The following RIMS2 variants were observed in gnomAD, a reference collection of about 807,000 sequenced individuals.
The protein encoded by RIMS2 is regulating synaptic membrane exocytosis protein 2.
RIMS2 carries 59 observed loss-of-function variants against 174.4 expected under a neutral mutation model. The ratio of observed to expected loss-of-function variants is 0.34; its 90% confidence interval spans 0.27 to 0.42. The LOEUF is 0.42. Ranked by LOEUF, RIMS2 falls within the 10% of genes least tolerant of loss-of-function variation. The probability of loss-of-function intolerance (pLI) is 1.00; values close to 1 mark genes in which losing one functional copy is unlikely to be tolerated. For missense variants in RIMS2, 1,620 were observed against 1,666.3 expected (o/e 0.97, Z 0.48); for synonymous variants, 606 against 572.5 (o/e 1.06, Z -0.84).
At chr8:104,143,400 T>C (rs911309414) in intron 19 of RIMS2, among the ~76,000 whole-genome samples, 2 of 152,184 alleles carry the variant, frequency 1.3e-5, no homozygotes, top group African/African-American at 2.4e-5. Context: ...TTGCTGTTTT[T>C]TTTCCTGCAA....
chr8:103,985,405 C>T (rs528432386), intron 16 of RIMS2, among the ~76,000 whole-genome samples: 38 of 122,394 alleles, frequency 3.1e-4, no homozygotes, highest in African/African-American at 8.0e-4. Flanking sequence ...ATCTGGGAGG[C>T]GGAGGTTGCA....
chr8:104,093,791 T>A, intron 19 of RIMS2, 148 bp downstream of exon 24: 2 of 531,334 alleles, frequency 3.8e-6, no homozygotes, highest in Non-Finnish European at 6.4e-6. Context: ...TACTTTTTAA[T>A]ATATTTTAAT....
intron 4 of RIMS2, among the ~76,000 whole-genome samples, chr8:103,891,359 G>A (rs895612543): frequency 6.6e-5 from 10 of 152,000 alleles, no homozygotes; most frequent in Non-Finnish European, 7.4e-5. Context: ...CGTGTTTCAC[G>A]TTTAGACCAA....
At chr8:103,607,102 G>T (rs922494137) in intron 1 of RIMS2, among the ~76,000 whole-genome samples, 1 of 151,964 alleles carries the variant, frequency 6.6e-6, no homozygotes, top group Non-Finnish European at 1.5e-5. Context: ...AGTCTCGATG[G>T]TCTTTACATT....
intron 3 of RIMS2, among the ~76,000 whole-genome samples, chr8:103,871,861 TTCTC>T (rs1457254632): frequency 6.6e-6 from 1 of 152,202 alleles, no homozygotes; most frequent in Non-Finnish European, 1.5e-5. Flanking sequence ...AATTCTTTCT[TTCTC>T]TCCTACTGTC....
At chr8:104,204,617 C>G (rs905812269) in intron 19 of RIMS2, among the ~76,000 whole-genome samples, 2 of 152,010 alleles carry the variant, frequency 1.3e-5, no homozygotes, top group Non-Finnish European at 1.5e-5. Context: ...ACCTCAACCT[C>G]TAGAGCACCT....
chr8:103,605,900 T>C (rs1313182383), intron 1 of RIMS2, among the ~76,000 whole-genome samples: 2 of 150,402 alleles, frequency 1.3e-5, no homozygotes, highest in Non-Finnish European at 3.0e-5. Context: ...TTTTTTTCTT[T>C]ATTAGTCTTG....
chr8:104,223,814 T>C, intron 19 of RIMS2: 1 of 1,584,908 alleles, frequency 6.3e-7, no homozygotes, highest in Non-Finnish European at 8.5e-7. Flanking sequence ...CCTTCCCCCG[T>C]AGTTGGTGTC....
At chr8:103,962,786 G>A (rs983804320) in intron 15 of RIMS2, among the ~76,000 whole-genome samples, 1 of 152,040 alleles carries the variant, frequency 6.6e-6, no homozygotes, top group African/African-American at 2.4e-5. Context: ...TACCTAGTGT[G>A]TGTACTAACT....
intron 2 of RIMS2, among the ~76,000 whole-genome samples, chr8:103,715,062 GA>G (rs1319815948): frequency 1.3e-5 from 2 of 152,192 alleles, no homozygotes; most frequent in East Asian, 3.9e-4. Flanking sequence ...ACAGAGAAAA[GA>G]GATATAAAAT....
chr8:103,732,738 C>T (rs2097621027), intron 2 of RIMS2, among the ~76,000 whole-genome samples: 1 of 152,168 alleles, frequency 6.6e-6, no homozygotes, highest in African/African-American at 2.4e-5. Flanking sequence ...GACCTATGGC[C>T]TCTACTACTT....
At chr8:103,828,661 T>C (rs10955330) in intron 3 of RIMS2, among the ~76,000 whole-genome samples, 60,955 of 151,780 alleles carry the variant, frequency 0.4, 12,680 homozygotes, top group African/African-American at 0.44. Context: ...GGTCCTAGTC[T>C]AGAATGGTAT....
intron 1 of RIMS2, among the ~76,000 whole-genome samples, chr8:103,691,498 A>G (rs1157967262): frequency 6.6e-6 from 1 of 152,030 alleles, no homozygotes; most frequent in East Asian, 1.9e-4. Flanking sequence ...TGTCAGTTAC[A>G]TTTTTCAACT....
intron 1 of RIMS2, among the ~76,000 whole-genome samples, chr8:103,694,034 C>T (rs942867779): frequency 2.6e-5 from 4 of 152,030 alleles, no homozygotes; most frequent in South Asian, 2.1e-4. Context: ...TTCTTGTGTC[C>T]GCAAGAGTGG....
At chr8:103,988,207 AAAT>A (rs1416835022) in intron 16 of RIMS2, among the ~76,000 whole-genome samples, 1 of 152,218 alleles carries the variant, frequency 6.6e-6, no homozygotes, top group Non-Finnish European at 1.5e-5. Flanking sequence ...ATCGACAGTA[AAAT>A]AATAATATAT....
chr8:103,829,451 A>G (rs1164914208), intron 3 of RIMS2, among the ~76,000 whole-genome samples: 7 of 152,244 alleles, frequency 4.6e-5, no homozygotes, highest in Admixed American at 4.6e-4. Context: ...TAGAAAAAGC[A>G]TAGAATCAAC....
chr8:104,019,864 T>C (rs1184920898), intron 19 of RIMS2, among the ~76,000 whole-genome samples: 1 of 152,168 alleles, frequency 6.6e-6, no homozygotes, highest in Non-Finnish European at 1.5e-5. Flanking sequence ...TTTCACACTG[T>C]TAATTGTCTT....
intron 19 of RIMS2, among the ~76,000 whole-genome samples, chr8:104,222,964 T>C (rs570818789): frequency 3.9e-5 from 6 of 152,302 alleles, no homozygotes; most frequent in Middle Eastern, 3.4e-3. Flanking sequence ...TTCGTGGAAC[T>C]TGGTAAAAAT....
intron 19 of RIMS2, among the ~76,000 whole-genome samples, chr8:104,030,640 C>G (rs946899646): frequency 6.6e-6 from 1 of 152,136 alleles, no homozygotes; most frequent in African/African-American, 2.4e-5. Flanking sequence ...ATGCTTCTAA[C>G]TCAGGACATT....
Sources: allele counts gnomAD v4.1 joint callset (sites outside exome capture counted in the v4.1 genomes callset), GRCh38; gene constraint gnomAD v4.1.1; transcripts MANE v1.5; gene names NCBI Gene and HGNC (gene_info 2026-07-23, HGNC 2026-07-21).